Variants in RPTOR observed in about 807,000 individuals in gnomAD.
RPTOR encodes regulatory associated protein of MTOR complex 1, also known as regulatory-associated protein of mTOR.
In RPTOR, 21 loss-of-function variants were observed where a neutral mutation model predicts 169.9. The observed-to-expected ratio is 0.12, with a 90% CI of 0.09 to 0.18. The LOEUF (loss-of-function observed/expected upper bound fraction) is 0.18, where lower values mean the gene tolerates loss of function less well. Among genes scored for constraint, RPTOR ranks in the 10% least tolerant of loss-of-function variants. RPTOR has a pLI of 1.00. For synonymous variants in RPTOR, 732 were observed against 753.2 expected, an observed-to-expected ratio of 0.97 and a Z score of 0.46; for missense variants, 1,133 against 1,855.9, an observed-to-expected ratio of 0.61 and a Z score of 7.16.
At chr17:80,841,531 TCTCA>T (rs1156326154) in intron 10 of RPTOR, among the ~76,000 whole-genome samples, 1 of 111,634 alleles carries the variant, frequency 9.0e-6, no homozygotes, top group African/African-American at 3.6e-5. Context: ...GGCAGCTCAC[TCTCA>T]CCACACGGCA....
rs547787723 is a variant in RPTOR at position 80,922,808 on chromosome 17, G to C, written c.2605G>C (p.Val869Leu). 281 of 1,581,222 alleles carry C rather than the reference G, an allele frequency of 1.8e-4. 3 individuals are homozygous for C. The South Asian group carries it at 3.0e-3, about 17-fold the overall frequency. Residue 869 changes from valine (V) to leucine (L), a missense_variant, in exon 22 of 34, where the codon GTG becomes CTG. This residue lies in a region of RPTOR where 123 missense variants were observed against 129.0 expected (regional missense o/e 0.95). Transcript: ENST00000306801. ...SAPASPTNKGVHIHQAGGSPP... is the reference protein window; with the variant it reads ...SAPASPTNKGLHIHQAGGSPP... ...CCCCGCCAGCCCCACCAACAAGGGC[G>C]TGCACATCCACCAGGCGGGGTAAGT...
intron 13 of RPTOR, among the ~76,000 whole-genome samples, chr17:80,869,491 A>C (rs563220456): frequency 6.6e-6 from 1 of 152,270 alleles, no homozygotes; most frequent in Non-Finnish European, 1.5e-5. Flanking sequence ...AACACCCCCA[A>C]AAATGTGGGG....
intron 6 of RPTOR, among the ~76,000 whole-genome samples, chr17:80,791,089 C>T (rs2067043049): frequency 6.6e-6 from 1 of 151,752 alleles, no homozygotes; most frequent in South Asian, 2.1e-4. Flanking sequence ...CCCCAGCTCA[C>T]TTCCTTAAGA....
intron 5 of RPTOR, among the ~76,000 whole-genome samples, chr17:80,751,651 C>A (rs1375986832): frequency 6.6e-6 from 1 of 152,196 alleles, no homozygotes; most frequent in Non-Finnish European, 1.5e-5. Context: ...TCGTCACTTA[C>A]AATATTCATT....
chr17:80,680,090 C>G (rs928689507), intron 3 of RPTOR, among the ~76,000 whole-genome samples: 16 of 152,244 alleles, frequency 1.1e-4, no homozygotes, highest in African/African-American at 3.9e-4. Flanking sequence ...TGTTTTTCCT[C>G]TTGCCCTCCT....
intron 24 of RPTOR, among the ~76,000 whole-genome samples, chr17:80,934,160 G>A (rs920168172): frequency 6.6e-6 from 1 of 151,700 alleles, no homozygotes; most frequent in Non-Finnish European, 1.5e-5. Context: ...TTCTTGCTTT[G>A]TTTTGTTTCA....
chr17:80,800,855 C>T (rs947769016), intron 7 of RPTOR, among the ~76,000 whole-genome samples: 1 of 152,180 alleles, frequency 6.6e-6, no homozygotes, highest in South Asian at 2.1e-4. Context: ...CAAAGCGTAC[C>T]CAGAACTTAC....
At chr17:80,697,899 G>A (rs1294785779) in intron 3 of RPTOR, among the ~76,000 whole-genome samples, 3 of 147,124 alleles carry the variant, frequency 2.0e-5, no homozygotes, top group African/African-American at 7.8e-5. Flanking sequence ...CATGAAGGCA[G>A]AGGTGGTACA....
At chr17:80,723,124 T>C (rs1200820587) in intron 4 of RPTOR, among the ~76,000 whole-genome samples, 1 of 151,342 alleles carries the variant, frequency 6.6e-6, no homozygotes, top group African/African-American at 2.5e-5. Flanking sequence ...GTGCGTGGTG[T>C]GTGTGATTCT....
At chr17:80,716,002 A>G (rs1321369990) in intron 4 of RPTOR, among the ~76,000 whole-genome samples, 5 of 152,142 alleles carry the variant, frequency 3.3e-5, no homozygotes, top group East Asian at 1.9e-4. Context: ...TGATTTTGCA[A>G]TTGCGAATTG....
At chr17:80,616,030 A>G (rs897519416) in intron 1 of RPTOR, among the ~76,000 whole-genome samples, 21 of 152,158 alleles carry the variant, frequency 1.4e-4, no homozygotes, top group Admixed American at 7.9e-4. Context: ...CTGTTGAGAA[A>G]TGCCATGGGC....
chr17:80,804,604 C>A (rs112228018), intron 7 of RPTOR: 4,910 of 152,408 alleles, frequency 0.032, 103 homozygotes, highest in Non-Finnish European at 0.05. Context: ...TCCAGGCCCA[C>A]GCGAAGGTGT....
intron 13 of RPTOR, among the ~76,000 whole-genome samples, chr17:80,874,447 G>A (rs1278115976): frequency 6.6e-6 from 1 of 152,010 alleles, no homozygotes; most frequent in South Asian, 2.1e-4. Flanking sequence ...CACCCGCCTC[G>A]GCCTCCCAAA....
chr17:80,901,302 C>T (rs949901626), intron 20 of RPTOR, among the ~76,000 whole-genome samples: 5 of 152,240 alleles, frequency 3.3e-5, no homozygotes, highest in African/African-American at 9.6e-5. Context: ...TCTCCTCTGC[C>T]GGTTCTTTCT....
At chr17:80,571,240 G>A (rs2064901923) in intron 1 of RPTOR, among the ~76,000 whole-genome samples, 1 of 152,124 alleles carries the variant, frequency 6.6e-6, no homozygotes, top group Non-Finnish European at 1.5e-5. Flanking sequence ...ATGTCCTATA[G>A]AAAATGGTCT....
chr17:80,550,709 G>A (rs1451020757), intron 1 of RPTOR, among the ~76,000 whole-genome samples: 2 of 152,014 alleles, frequency 1.3e-5, no homozygotes, highest in Non-Finnish European at 1.5e-5. Flanking sequence ...CAATTCATTA[G>A]AACCCATCAG....
chr17:80,584,125 ACCCC>A (rs2065039957), intron 1 of RPTOR, among the ~76,000 whole-genome samples: 1 of 151,794 alleles, frequency 6.6e-6, no homozygotes, highest in African/African-American at 2.4e-5. Flanking sequence ...GGCCGAGGAG[ACCCC>A]CGCTTTTATC....
intron 4 of RPTOR, among the ~76,000 whole-genome samples, chr17:80,725,962 A>G (rs568247186): frequency 4.6e-5 from 7 of 152,338 alleles, no homozygotes; most frequent in African/African-American, 1.4e-4. Context: ...ACATTTGGCA[A>G]TGTCCAGCAA....
rs1303365244 is a variant in RPTOR at position 80,758,696 on chromosome 17, C to T, written c.830+4511C>T. On this transcript the variant is annotated intron_variant, in intron 6 of 33. Coordinates refer to ENST00000306801, the MANE Select transcript of RPTOR (RefSeq NM_020761.3). ...TCTCCCATGTTCCCGTCCCCGCTCCCGGTTTCCTGCATGACTGCTTTGGTG... is the reference window on the plus strand; with the variant it reads ...TCTCCCATGTTCCCGTCCCCGCTCCTGGTTTCCTGCATGACTGCTTTGGTG... 2.0e-5 allele frequency among the ~76,000 whole-genome samples: 3 copies of T among 152,180 alleles called. No individual in the cohort carries two copies. The East Asian group carries it at 5.8e-4, about 29-fold the overall frequency.
Sources: gnomAD v4.1 joint callset for allele counts (sites outside exome capture counted in the v4.1 genomes callset) on GRCh38, gnomAD v4.1.1 for gene constraint, gnomAD v4.1.1 regional missense constraint, MANE v1.5 for transcripts, NCBI Gene and HGNC (gene_info 2026-07-23, HGNC 2026-07-21) for gene names.